The following SHROOM4 variants were observed in gnomAD, a reference collection of about 807,000 sequenced individuals.
SHROOM4 encodes the protein protein Shroom4.
In SHROOM4, 17 loss-of-function variants were observed where a neutral mutation model predicts 80.3. The observed-to-expected ratio is 0.21, with a 90% CI of 0.14 to 0.32. The LOEUF is 0.32. Among genes scored for constraint, SHROOM4 ranks in the 10% least tolerant of loss-of-function variants. The probability of loss-of-function intolerance (pLI) is 1.00; values close to 1 mark genes in which losing one functional copy is unlikely to be tolerated. For missense variants in SHROOM4, 993 were observed against 1,140.3 expected (o/e 0.87, Z 1.86); for synonymous variants, 400 against 437.5 (o/e 0.91, Z 1.07).
chrX:50,630,007 G>A (rs1032599990), intron 4 of SHROOM4, among the ~76,000 whole-genome samples: 4 of 110,858 alleles, frequency 3.6e-5, no homozygotes, highest in African/African-American at 9.9e-5. Context: ...TCCACGTGTC[G>A]GAATGCCTAG....
chrX:50,775,887 C>A (rs186759861), intron 1 of SHROOM4, among the ~76,000 whole-genome samples: 1 of 112,351 alleles, frequency 8.9e-6, no homozygotes, highest in Non-Finnish European at 1.9e-5. Flanking sequence ...AATTTGCACT[C>A]AACCGTAAGC....
chrX:50,702,701 G>A (rs1438194426), intron 1 of SHROOM4, among the ~76,000 whole-genome samples: 1 of 111,932 alleles, frequency 8.9e-6, no homozygotes, highest in African/African-American at 3.2e-5. Flanking sequence ...TTATCTGGCT[G>A]CAGATCATAT....
chrX:50,607,593 T>C lies in SHROOM4; in HGVS notation c.3549A>G (p.Pro1183=), dbSNP rs1557248763. ...CCAGGTGGCCAAAGCTGAGGGGTTGTGGCTGCTCTAGGACCTCCTCAGGAT... is the reference window on the plus strand; with the variant it reads ...CCAGGTGGCCAAAGCTGAGGGGTTGCGGCTGCTCTAGGACCTCCTCAGGAT... ...ALNPEEVLEQ[P]QPLSFGHLEG... is the part of the protein sequence containing the mutation. The change falls in exon 6 of 9, where the codon CCA becomes CCG. Residue 1183 remains proline (P), a synonymous_variant. Coordinates refer to ENST00000376020, the MANE Select transcript of SHROOM4 (RefSeq NM_020717.5). The C allele has an allele frequency of 8.3e-7, 1 of 1,211,745 alleles. No individual in the cohort carries two copies. Among genetic ancestry groups the C allele is most frequent in the Non-Finnish European group, 1.1e-6 (1 of 895,449 alleles).
chrX:50,753,723 T>C (rs1557268199), intron 1 of SHROOM4, among the ~76,000 whole-genome samples: 1 of 112,629 alleles, frequency 8.9e-6, no homozygotes, highest in East Asian at 2.8e-4. Flanking sequence ...TTAACTAAAA[T>C]ATGTTATTAA....
In SHROOM4 at chrX:50,633,406, G is replaced by C; in HGVS notation, c.2667C>G (p.Ser889=). 1 of 1,211,840 alleles carries C rather than the reference G, an allele frequency of 8.3e-7. No homozygotes were observed. Among genetic ancestry groups the C allele is most frequent in the Non-Finnish European group, 1.1e-6 (1 of 895,334 alleles). ...DFDYHRTCSY[S]CSVQGALVHD... ...GGACTAGAGCTCCTTGAACACTGCA[G>C]GAGTAAGAGCAGGTCCTGTGGTAAT... The change falls in exon 4 of 9, where the codon TCC becomes TCG. Residue 889 remains serine, a synonymous_variant. Coordinates refer to ENST00000376020, the MANE Select transcript of SHROOM4 (RefSeq NM_020717.5).
intron 4 of SHROOM4, among the ~76,000 whole-genome samples, chrX:50,632,760 T>C (rs1931123629): frequency 8.9e-6 from 1 of 112,092 alleles, no homozygotes; most frequent in Admixed American, 9.5e-5. Flanking sequence ...TTCTCACAAG[T>C]GATCCATGAG....
chrX:50,627,547 A>AC, intron 5 of SHROOM4, 67 bp downstream of exon 5: 1 of 996,386 alleles, frequency 1.0e-6, no homozygotes, highest in Non-Finnish European at 1.4e-6. Flanking sequence ...CAAACCAAAG[A>AC]CCTTAGCAAT....
chrX:50,700,179 C>T (rs1421637702), intron 1 of SHROOM4, among the ~76,000 whole-genome samples: 3 of 112,309 alleles, frequency 2.7e-5, no homozygotes, highest in African/African-American at 9.7e-5. Context: ...AGGCAAACAA[C>T]ATAATTGTTT....
intron 1 of SHROOM4, among the ~76,000 whole-genome samples, chrX:50,760,911 C>T (rs782484737): frequency 8.9e-6 from 1 of 111,735 alleles, no homozygotes; most frequent in Non-Finnish European, 1.9e-5. Context: ...CTGCCATTTG[C>T]TATTAGTTTT....
chrX:50,629,856 C>T (rs1364848384), intron 4 of SHROOM4, among the ~76,000 whole-genome samples: 2 of 111,010 alleles, frequency 1.8e-5, no homozygotes, highest in African/African-American at 6.5e-5. Flanking sequence ...AGATAGCTAC[C>T]ACCACAAGTA....
intron 1 of SHROOM4, among the ~76,000 whole-genome samples, chrX:50,765,440 A>C (rs1557269267): frequency 8.9e-6 from 1 of 111,913 alleles, no homozygotes; most frequent in African/African-American, 3.3e-5. Flanking sequence ...ACTTTATTCC[A>C]TCAAGTACCA....
intron 2 of SHROOM4, among the ~76,000 whole-genome samples, chrX:50,638,609 C>G (rs1931461613): frequency 8.9e-6 from 1 of 112,362 alleles, no homozygotes; most frequent in Non-Finnish European, 1.9e-5. Flanking sequence ...GTGCTGCTGC[C>G]TAATGAACAG....
intron 1 of SHROOM4, among the ~76,000 whole-genome samples, chrX:50,813,651 G>A (rs1936395933): frequency 8.9e-6 from 1 of 112,213 alleles, no homozygotes. Flanking sequence ...CTGCCCCAGC[G>A]CCCTCGCGAG....
In SHROOM4 at chrX:50,590,556, A is replaced by G. The variant is rs1557245280; in HGVS notation, c.*6139T>C. ...TGAGCCACCGCGCCTGGCCGAGACC[A>G]GATCCCTTTCTGTCTTTGCTGAGGA... On this transcript the variant is annotated 3_prime_UTR_variant, in exon 9 of 9. Transcript: ENST00000376020. 8.9e-6 allele frequency among the ~76,000 whole-genome samples: 1 copy of G among 111,977 alleles called. No individual in the cohort carries two copies. The highest frequency in any genetic ancestry group is 3.2e-5 in the African/African-American group (1 of 30,811).
chrX:50,699,368 G>A (rs1933458218), intron 1 of SHROOM4, among the ~76,000 whole-genome samples: 1 of 111,921 alleles, frequency 8.9e-6, no homozygotes, highest in Non-Finnish European at 1.9e-5. Flanking sequence ...ATGTGTAAGA[G>A]GGACTGACCA....
At chrX:50,677,027 T>C (rs1932863386) in intron 2 of SHROOM4, among the ~76,000 whole-genome samples, 1 of 111,784 alleles carries the variant, frequency 8.9e-6, no homozygotes, top group Non-Finnish European at 1.9e-5. Context: ...TTCTGTCTGG[T>C]GTGGAAGGAC....
chrX:50,598,595 T>A, intron 7 of SHROOM4, 60 bp from the exon 8 acceptor site: 1 of 1,135,416 alleles, frequency 8.8e-7, no homozygotes, highest in Non-Finnish European at 1.2e-6. Context: ...GAAACTGATT[T>A]GTGCCTGTAA....
At position 50,706,666 on chromosome X, in the gene SHROOM4, T is replaced by C. The variant is rs61147123; in HGVS notation, c.118-10729A>G. ...CTTTTGGATTTCACGGGTATATTGC[T>C]ATTCATGATCCTTAACTAGCAATAC... On this transcript the variant is annotated intron_variant, in intron 1 of 8. Transcript: ENST00000376020. 9.1e-3 allele frequency among the ~76,000 whole-genome samples: 1,023 copies of C among 112,075 alleles called. 12 individuals carry two copies. Among genetic ancestry groups the C allele is most frequent in the African/African-American group, 0.032 (983 of 30,859 alleles).
At chrX:50,794,605 C>G in intron 1 of SHROOM4, among the ~76,000 whole-genome samples, 1 of 100,738 alleles carries the variant, frequency 9.9e-6, no homozygotes, top group South Asian at 5.0e-4. Context: ...TACCCAACCA[C>G]CCTCCATCAT....
Sources: gnomAD v4.1 joint callset for allele counts (sites outside exome capture counted in the v4.1 genomes callset) on GRCh38, gnomAD v4.1.1 for gene constraint, MANE v1.5 for transcripts, NCBI Gene and HGNC (gene_info 2026-07-23, HGNC 2026-07-21) for gene names.